DPP4: variants seen among roughly 807,000 people sequenced by gnomAD.
DPP4 encodes dipeptidyl peptidase 4, also known as ADCP-2.
A neutral mutation model predicts 122.4 loss-of-function variants in DPP4; 93 were observed. The observed-to-expected ratio is 0.76, with a 90% CI of 0.64 to 0.90. The LOEUF (loss-of-function observed/expected upper bound fraction) is 0.90. Ranked by LOEUF, DPP4 falls within the 40% of genes least tolerant of loss-of-function variation. The pLI is 0.00. For missense variants in DPP4, 914 were observed against 907.3 expected, an observed-to-expected ratio of 1.01 and a Z score of -0.09; for synonymous variants, 321 against 302.9, an observed-to-expected ratio of 1.06 and a Z score of -0.62.
At chr2:162,008,967 C>A (rs564799253) in intron 21 of DPP4, among the ~76,000 whole-genome samples, 2 of 152,168 alleles carry the variant, frequency 1.3e-5, no homozygotes, top group Non-Finnish European at 2.9e-5. Context: ...CTGACTGATG[C>A]ATAAGAAAAA....
chr2:162,036,718 A>C (rs1464879543), intron 8 of DPP4, among the ~76,000 whole-genome samples: 1 of 152,166 alleles, frequency 6.6e-6, no homozygotes, highest in Non-Finnish European at 1.5e-5. Context: ...GTAGCAATTT[A>C]GAATTTACAA....
chr2:162,062,834 G>A (rs867455278), intron 2 of DPP4, among the ~76,000 whole-genome samples: 8 of 152,222 alleles, frequency 5.3e-5, no homozygotes, highest in Admixed American at 2.6e-4. Context: ...GCATCATAAC[G>A]AAACTTAACT....
chr2:162,016,873 A>T lies in DPP4; in HGVS notation c.1469-7T>A, dbSNP rs1232645363. ...TCTTCCAGGACTCTCAGCCCTAAAG[A>T]AATACAGGAGACAGCAGTCATTCAT... is the stretch of plus-strand genomic sequence containing the variant. On this transcript the variant is annotated splice_polypyrimidine_tract_variant and splice_region_variant and intron_variant, in intron 17 of 25. Coordinates refer to ENST00000360534, the MANE Select transcript of DPP4 (RefSeq NM_001935.4). The T allele has an allele frequency of 1.9e-6, 3 of 1,606,678 alleles. No individual in the cohort carries two copies. The highest frequency in any genetic ancestry group is 2.5e-6 in the Non-Finnish European group (3 of 1,177,470).
chr2:162,005,651 A>C, intron 23 of DPP4, 94 bp downstream of exon 23: 5 of 1,147,688 alleles, frequency 4.4e-6, no homozygotes, highest in Non-Finnish European at 6.2e-6. Flanking sequence ...TGTTGGAAAT[A>C]AAAATATGTA....
At chr2:162,031,416 TA>T (rs1683546535) in intron 10 of DPP4, among the ~76,000 whole-genome samples, 2 of 152,332 alleles carry the variant, frequency 1.3e-5, no homozygotes, top group South Asian at 4.1e-4. Context: ...TCCAGGTCCT[TA>T]AAAAGTTTAT....
intron 21 of DPP4, 103 bp from the exon 22 acceptor site, chr2:162,008,764 C>T: frequency 2.0e-6 from 2 of 1,010,764 alleles, no homozygotes; most frequent in Non-Finnish European, 3.0e-6. Flanking sequence ...TACTGTGCCT[C>T]TTTAGAGATA....
chr2:161,996,669 T>C (rs1258235194), intron 23 of DPP4, among the ~76,000 whole-genome samples: 2 of 152,116 alleles, frequency 1.3e-5, no homozygotes, highest in African/African-American at 4.8e-5. Flanking sequence ...TATAGTACAA[T>C]AAGATATTTT....
At chr2:162,044,768 G>A (rs1684113777) in intron 5 of DPP4, among the ~76,000 whole-genome samples, 1 of 152,104 alleles carries the variant, frequency 6.6e-6, no homozygotes, top group South Asian at 2.1e-4. Context: ...GTGTGAGGAT[G>A]TGGAGTTGAG....
At chr2:162,035,058 G>T in intron 9 of DPP4, 106 bp downstream of exon 9, 2 of 1,104,226 alleles carry the variant, frequency 1.8e-6, no homozygotes, top group Non-Finnish European at 2.5e-6. Flanking sequence ...ATCACAGCAA[G>T]CTGTTGAAGA....
rs148664794 is a variant in DPP4 at position 162,073,032 on chromosome 2, C to CT, written c.94+366dup. 6.1e-3 allele frequency among the ~76,000 whole-genome samples: 926 copies of CT among 152,126 alleles called. 10 individuals are homozygous for CT. The highest frequency in any genetic ancestry group is 0.022 in the African/African-American group (896 of 41,488). On this transcript the variant is annotated intron_variant, in intron 2 of 25. Transcript: ENST00000360534. ...TGTCTTTGGGCTCTTTAAACACTGC[C>CT]TTTTTTCCTTTTTCGATCACACCCA...
intron 2 of DPP4, among the ~76,000 whole-genome samples, chr2:162,053,850 C>T (rs1017316921): frequency 6.6e-6 from 1 of 152,232 alleles, no homozygotes; most frequent in Non-Finnish European, 1.5e-5. Context: ...AGAACTGCCA[C>T]AGAAGCTACT....
chr2:162,007,924 G>C (rs1267828800), intron 22 of DPP4, among the ~76,000 whole-genome samples: 4 of 151,880 alleles, frequency 2.6e-5, no homozygotes, highest in Non-Finnish European at 4.4e-5. Flanking sequence ...ACTTGAGATG[G>C]GGTTAGAAGA....
intron 20 of DPP4, among the ~76,000 whole-genome samples, chr2:162,010,522 C>T (rs574609535): frequency 7.2e-5 from 11 of 152,216 alleles, no homozygotes; most frequent in Admixed American, 2.6e-4. Context: ...ACTGTATAAA[C>T]GCACTATTTC....
At position 162,053,305 on chromosome 2, in the gene DPP4, A is replaced by G. The variant is rs947785646; in HGVS notation, c.95-5804T>C. On this transcript the variant is annotated intron_variant, in intron 2 of 25. Transcript: ENST00000360534. ...GGAGATTATTGCTGCTGTCCCTCCCATCACAGGCCCAGAGTGCCACGGCCT... is the reference window on the plus strand; with the variant it reads ...GGAGATTATTGCTGCTGTCCCTCCCGTCACAGGCCCAGAGTGCCACGGCCT... Among the ~76,000 whole-genome samples, 5 of 152,370 alleles carry G rather than the reference A, an allele frequency of 3.3e-5. No individual in the cohort carries two copies. In the East Asian group the frequency reaches 9.6e-4, roughly 29 times the overall value.
chr2:162,032,306 C>T (rs1683575109), intron 10 of DPP4: 1 of 152,250 alleles, frequency 6.6e-6, no homozygotes, highest in Non-Finnish European at 1.5e-5. Context: ...GAAAGACAGA[C>T]TGACTTTAAA....
intron 25 of DPP4, 32 bp from the exon 26 acceptor site, chr2:161,993,416 G>A (rs1355810815): frequency 2.0e-5 from 29 of 1,486,842 alleles, no homozygotes; most frequent in Non-Finnish European, 2.6e-5. Context: ...GTTAGAATTA[G>A]GAAGTCAGTA....
At chr2:162,021,380 A>C (rs1466530270) in intron 12 of DPP4, 1 of 152,234 alleles carries the variant, frequency 6.6e-6, no homozygotes, top group South Asian at 2.1e-4. Context: ...TACTCAGAAC[A>C]TAATGCAGTT....
chr2:162,031,596 G>A (rs765994623), intron 10 of DPP4, among the ~76,000 whole-genome samples: 18 of 152,026 alleles, frequency 1.2e-4, no homozygotes, highest in Admixed American at 9.8e-4. Flanking sequence ...TGTTTTTTCC[G>A]CCTCAGTGTC....
At chr2:162,001,237 T>C (rs556307463) in intron 23 of DPP4, among the ~76,000 whole-genome samples, 5 of 152,282 alleles carry the variant, frequency 3.3e-5, no homozygotes, top group South Asian at 2.1e-4. Context: ...TGATAACCCA[T>C]GTAAAGAGCT....
Sources: allele counts gnomAD v4.1 joint callset (sites outside exome capture counted in the v4.1 genomes callset), GRCh38; gene constraint gnomAD v4.1.1; transcripts MANE v1.5; gene names NCBI Gene and HGNC (gene_info 2026-07-23, HGNC 2026-07-21).